The following FER1L6 variants were observed in gnomAD, a reference collection of about 807,000 sequenced individuals.
FER1L6 encodes the protein fer-1-like protein 6.
In FER1L6, 177 loss-of-function variants were observed where a neutral mutation model predicts 219.2. That is an observed-to-expected ratio of 0.81 (90% CI 0.71 to 0.91). The LOEUF (loss-of-function observed/expected upper bound fraction) is 0.91, where lower values mean the gene tolerates loss of function less well. Ranked by LOEUF, FER1L6 falls within the 40% of genes least tolerant of loss-of-function variation. FER1L6 has a pLI of 0.00. For synonymous variants in FER1L6, 768 were observed against 824.3 expected (o/e 0.93, Z 1.17); for missense variants, 2,153 against 2,259.9 (o/e 0.95, Z 0.96).
chr8:124,043,306 C>G (rs1819586556), intron 20 of FER1L6, among the ~76,000 whole-genome samples: 1 of 152,118 alleles, frequency 6.6e-6, no homozygotes, highest in African/African-American at 2.4e-5. Flanking sequence ...GGTTAATATC[C>G]AACGTGCCCA....
At chr8:124,039,721 C>T (rs1819389439) in intron 19 of FER1L6, among the ~76,000 whole-genome samples, 161 bp from the exon 20 acceptor site, 2 of 152,188 alleles carry the variant, frequency 1.3e-5, no homozygotes, top group African/African-American at 4.8e-5. Context: ...TCCCTTTCTT[C>T]AGGACTTCCA....
At chr8:124,057,368 T>TC (rs1210859621) in intron 22 of FER1L6, among the ~76,000 whole-genome samples, 2 of 152,234 alleles carry the variant, frequency 1.3e-5, no homozygotes, top group Non-Finnish European at 2.9e-5. Flanking sequence ...TTTATTTTTT[T>TC]CCCTCATCTG....
intron 12 of FER1L6, 113 bp downstream of exon 12, chr8:123,986,289 A>G (rs1816581903): frequency 1.6e-6 from 1 of 633,280 alleles, no homozygotes; most frequent in Non-Finnish European, 2.8e-6. Context: ...GGAGGTTTGC[A>G]TCTCAGAATG....
At position 123,980,612 on chromosome 8, in the gene FER1L6, A is replaced by G. The variant is rs768448259; in HGVS notation, c.1211A>G (p.Glu404Gly). The G allele has an allele frequency of 6.2e-7, 1 of 1,614,162 alleles. No individual in the cohort carries two copies. Among genetic ancestry groups the G allele is most frequent in the Non-Finnish European group, 8.5e-7 (1 of 1,180,020 alleles). Residue 404 changes from glutamate to glycine, a missense_variant, in exon 11 of 41, where the codon GAA (glutamate) becomes GGA (glycine). Transcript: ENST00000522917. Reference protein sequence around the residue: ...RGRILVEIAVEILSGRAQESK... With the variant: ...RGRILVEIAVGILSGRAQESK... ...AGAATCTTGGTAGAAATTGCTGTGG[A>G]AATCCTCTCAGGACGGGCACAGGAA...
chr8:123,976,894 T>C (rs1554624418), intron 9 of FER1L6, among the ~76,000 whole-genome samples: 1 of 152,202 alleles, frequency 6.6e-6, no homozygotes, highest in Non-Finnish European at 1.5e-5. Context: ...TTAACCCTGG[T>C]TGGCTGGATT....
intron 31 of FER1L6, among the ~76,000 whole-genome samples, chr8:124,072,093 TC>T (rs551670308): frequency 6.6e-4 from 100 of 152,328 alleles, no homozygotes; most frequent in African/African-American, 2.2e-3. Context: ...ATAGGACTGT[TC>T]CGTCTGTGTA....
At chr8:123,952,856 T>A (rs762986571) in intron 1 of FER1L6, among the ~76,000 whole-genome samples, 108 of 152,252 alleles carry the variant, frequency 7.1e-4, no homozygotes, top group Admixed American at 9.8e-4. Context: ...TTCCTTGTTA[T>A]GAATATTGTG....
Position 123,942,152 on chromosome 8 carries a change from G to A in FER1L6, c.-7-13840G>A, listed in dbSNP as rs144514091. The stretch of plus-strand genomic sequence containing the variant: ...TGGGGATGTTTACGAGGCTGCCTTG[G>A]GAGCTACTATTTAACTGCTTAGTCT... On this transcript the variant is annotated intron_variant, in intron 1 of 40. Coordinates refer to ENST00000522917, the MANE Select transcript of FER1L6 (RefSeq NM_001039112.2). Among the ~76,000 whole-genome samples the A allele has an allele frequency of 5.9e-3, 900 of 152,198 alleles. 3 individuals are homozygous for A. Among genetic ancestry groups the A allele is most frequent in the Non-Finnish European group, 8.3e-3 (566 of 68,028 alleles).
At chr8:124,064,728 C>T (rs186910367) in intron 26 of FER1L6, among the ~76,000 whole-genome samples, 155 bp downstream of exon 26, 62 of 152,298 alleles carry the variant, frequency 4.1e-4, no homozygotes, top group African/African-American at 1.4e-3. Context: ...ATACTGTTAC[C>T]CACTTCACAG....
chr8:124,073,778 T>C (rs1821171744), intron 31 of FER1L6, among the ~76,000 whole-genome samples: 1 of 152,136 alleles, frequency 6.6e-6, no homozygotes, highest in Non-Finnish European at 1.5e-5. Flanking sequence ...TACATACTAG[T>C]TGAGAGTGAT....
chr8:123,867,289 A>T (rs1480366332), intron 1 of FER1L6, among the ~76,000 whole-genome samples: 3 of 152,224 alleles, frequency 2.0e-5, no homozygotes, highest in Non-Finnish European at 4.4e-5. Context: ...TATCACTGGC[A>T]TTCCCTGGCT....
At chr8:124,052,955 G>A (rs182890264) in intron 22 of FER1L6, among the ~76,000 whole-genome samples, 26 of 152,110 alleles carry the variant, frequency 1.7e-4, no homozygotes, top group Admixed American at 3.3e-4. Context: ...TAAAAGTGTC[G>A]AATAAAAAAA....
At chr8:124,086,320 T>C (rs1415847850) in intron 33 of FER1L6, among the ~76,000 whole-genome samples, 2 of 152,186 alleles carry the variant, frequency 1.3e-5, no homozygotes, top group African/African-American at 4.8e-5. Context: ...TCTGGTGGTA[T>C]GTTTTAATTT....
intron 1 of FER1L6, among the ~76,000 whole-genome samples, chr8:123,908,349 G>C (rs1228624986): frequency 6.6e-6 from 1 of 152,166 alleles, no homozygotes; most frequent in Non-Finnish European, 1.5e-5. Flanking sequence ...CTCTGCAATT[G>C]GGAGTGGTAT....
rs574325996 is a variant in FER1L6, at chr8:124,073,461, G to A, written c.4092+1830G>A. The stretch of plus-strand genomic sequence containing the variant: ...GTTTGATTATGTGTGGTTTGCTCTC[G>A]TACTAATAATTAAATGAATTCTCAA... On this transcript the variant is annotated intron_variant, in intron 31 of 40. Transcript: ENST00000522917. Among the ~76,000 whole-genome samples, 4 of 152,192 alleles carry A rather than the reference G, an allele frequency of 2.6e-5. No homozygotes were observed. The East Asian group carries it at 7.7e-4, about 29-fold the overall frequency.
rs1816899990 is a variant in FER1L6, at chr8:123,870,077, A to C, written c.-8+17892A>C. 2.0e-5 allele frequency among the ~76,000 whole-genome samples: 3 copies of C among 152,260 alleles called. No individual in the cohort carries two copies. The South Asian group carries it at 6.2e-4, about 32-fold the overall frequency. On this transcript the variant is annotated intron_variant, in intron 1 of 40. Transcript: ENST00000522917. ...TGCTCAAAGTCATTTGTCATTAGTGAATTTTAAAGTAAACAAAAATGAGAT... is the reference window on the plus strand; with the variant it reads ...TGCTCAAAGTCATTTGTCATTAGTGCATTTTAAAGTAAACAAAAATGAGAT...
chr8:123,973,929 T>A (rs756603183), intron 7 of FER1L6, among the ~76,000 whole-genome samples: 35 of 152,200 alleles, frequency 2.3e-4, no homozygotes, highest in Non-Finnish European at 5.1e-4. Flanking sequence ...ACTTCCTTCA[T>A]AGGTTTGTTG....
At chr8:123,922,510 G>A (rs576125984) in intron 1 of FER1L6, among the ~76,000 whole-genome samples, 5 of 152,266 alleles carry the variant, frequency 3.3e-5, no homozygotes, top group African/African-American at 7.2e-5. Context: ...TTTGTGCAGG[G>A]CCCCAGCAGC....
intron 1 of FER1L6, among the ~76,000 whole-genome samples, chr8:123,948,117 T>C (rs1422820517): frequency 2.0e-5 from 3 of 152,190 alleles, no homozygotes; most frequent in East Asian, 1.9e-4. Flanking sequence ...TATAACACTT[T>C]AGTGTTTGCA....
Sources: gnomAD v4.1 joint callset for allele counts (sites outside exome capture counted in the v4.1 genomes callset) on GRCh38, gnomAD v4.1.1 for gene constraint, MANE v1.5 for transcripts, NCBI Gene and HGNC (gene_info 2026-07-23, HGNC 2026-07-21) for gene names.